The following OSBP2 variants were observed in gnomAD, a reference collection of about 807,000 sequenced individuals.
OSBP2 encodes oxysterol binding protein 2, also known as oxysterol-binding protein 2.
In OSBP2, 66 loss-of-function variants were observed where a neutral mutation model predicts 96.0. The observed-to-expected ratio is 0.69, with a 90% CI of 0.56 to 0.84. The LOEUF is 0.84. OSBP2 is among the 40% of genes least tolerant of loss of function. The probability of loss-of-function intolerance (pLI) is 0.00; values close to 1 mark genes in which losing one functional copy is unlikely to be tolerated. For missense variants in OSBP2, 1,038 were observed against 1,222.7 expected (o/e 0.85, Z 2.25); for synonymous variants, 525 against 520.9 (o/e 1.01, Z -0.11).
At chr22:30,744,311 G>GTC (rs1417083055) in intron 2 of OSBP2, among the ~76,000 whole-genome samples, 1 of 152,152 alleles carries the variant, frequency 6.6e-6, no homozygotes, top group Non-Finnish European at 1.5e-5. Flanking sequence ...ATGGCCTAAT[G>GTC]TCGCTCTCCT....
intron 2 of OSBP2, among the ~76,000 whole-genome samples, chr22:30,770,917 G>T (rs1362149231): frequency 6.6e-6 from 1 of 152,216 alleles, no homozygotes; most frequent in Non-Finnish European, 1.5e-5. Context: ...GCCCTGGCCC[G>T]ATCCAGCATG....
intron 2 of OSBP2, among the ~76,000 whole-genome samples, chr22:30,861,822 G>A (rs1422297921): frequency 6.6e-6 from 1 of 152,186 alleles, no homozygotes; most frequent in African/African-American, 2.4e-5. Context: ...GCTCCCAGGG[G>A]CCCTCGCCGC....
rs1349036304 is a variant in OSBP2 at position 30,889,228 on chromosome 22, A to C, written c.1470A>C (p.Ala490=). ...CAAGTTCCGTGGACTGGAGCTCAGC[A>C]GACAATGTAAGTGAGGGGGAGCACT... ...TGTSSVDWSS[A]DNVLDGASLV... The change falls in exon 6 of 14, where the codon GCA becomes GCC. Residue 490 remains alanine (A), a synonymous_variant. Transcript: ENST00000332585. 1.2e-6 allele frequency: 2 copies of C among 1,613,134 alleles called. No individual in the cohort carries two copies. Among genetic ancestry groups the C allele is most frequent in the Non-Finnish European group, 1.7e-6 (2 of 1,179,830 alleles).
At chr22:30,794,262 AT>A (rs136291) in intron 2 of OSBP2, among the ~76,000 whole-genome samples, 21,395 of 134,394 alleles carry the variant, frequency 0.16, 1,008 homozygotes, top group African/African-American at 0.18. Flanking sequence ...TCCTCTATTC[AT>A]TTTTTTTTTT....
chr22:30,737,296 G>A (rs371571893), intron 1 of OSBP2, among the ~76,000 whole-genome samples: 19 of 149,812 alleles, frequency 1.3e-4, no homozygotes, highest in African/African-American at 3.9e-4. Context: ...GATTACAGGC[G>A]TGAGCCACTG....
chr22:30,717,248 G>T (rs974719480), intron 1 of OSBP2, among the ~76,000 whole-genome samples: 1 of 151,916 alleles, frequency 6.6e-6, no homozygotes. Context: ...ACTGCACCTT[G>T]CTGGGTCTTT....
chr22:30,790,685 T>C (rs2090662313), intron 2 of OSBP2, among the ~76,000 whole-genome samples: 1 of 151,670 alleles, frequency 6.6e-6, no homozygotes, highest in Non-Finnish European at 1.5e-5. Context: ...GAGCATACTT[T>C]ATAGGTTAAA....
At chr22:30,822,127 G>A (rs2038286076) in intron 2 of OSBP2, among the ~76,000 whole-genome samples, 1 of 152,218 alleles carries the variant, frequency 6.6e-6, no homozygotes, top group Admixed American at 6.5e-5. Flanking sequence ...GAAGATGAGA[G>A]GGTCTCAGAG....
intron 2 of OSBP2, among the ~76,000 whole-genome samples, chr22:30,750,053 C>T (rs191206342): frequency 1.8e-4 from 28 of 152,280 alleles, no homozygotes; most frequent in African/African-American, 5.5e-4. Context: ...CTGGGCCTGA[C>T]GGTCCTCCCA....
intron 3 of OSBP2, among the ~76,000 whole-genome samples, chr22:30,885,687 A>G (rs1342402327): frequency 6.6e-6 from 1 of 152,238 alleles, no homozygotes; most frequent in African/African-American, 2.4e-5. Flanking sequence ...CAGGGTAGAC[A>G]AGGGCCAGTG....
intron 1 of OSBP2, among the ~76,000 whole-genome samples, chr22:30,702,452 A>G (rs1056976457): frequency 2.3e-4 from 35 of 152,082 alleles, no homozygotes; most frequent in Non-Finnish European, 7.4e-5. Flanking sequence ...TGTCTGTACT[A>G]AAAATACAAA....
chr22:30,865,127 A>C (rs2039306686), intron 2 of OSBP2, among the ~76,000 whole-genome samples: 1 of 152,206 alleles, frequency 6.6e-6, no homozygotes, highest in Non-Finnish European at 1.5e-5. Flanking sequence ...CCTGCGCTAG[A>C]TGATTCCATG....
At chr22:30,713,556 G>A (rs1220082220) in intron 1 of OSBP2, among the ~76,000 whole-genome samples, 1 of 151,766 alleles carries the variant, frequency 6.6e-6, no homozygotes, top group Non-Finnish European at 1.5e-5. Context: ...AACCTCCCAG[G>A]CTCAAGTGAT....
intron 8 of OSBP2, among the ~76,000 whole-genome samples, chr22:30,892,804 G>A (rs1206257879): frequency 6.6e-6 from 1 of 152,152 alleles, no homozygotes; most frequent in African/African-American, 2.4e-5. Context: ...TCGGCATAGT[G>A]TGACACCCTT....
intron 3 of OSBP2, among the ~76,000 whole-genome samples, chr22:30,877,454 C>T (rs2039607154): frequency 6.6e-6 from 1 of 152,192 alleles, no homozygotes. Flanking sequence ...TAGCAGCGTC[C>T]TCCCTGAGCA....
At chr22:30,767,465 A>G (rs553690684) in intron 2 of OSBP2, among the ~76,000 whole-genome samples, 1 of 151,788 alleles carries the variant, frequency 6.6e-6, no homozygotes, top group African/African-American at 2.4e-5. Context: ...CTCTGTCTCT[A>G]TCATTTTGAA....
At chr22:30,796,960 C>T (rs1280981145) in intron 2 of OSBP2, among the ~76,000 whole-genome samples, 2 of 152,230 alleles carry the variant, frequency 1.3e-5, no homozygotes, top group African/African-American at 2.4e-5. Context: ...GAACTCCTTT[C>T]ATTTTCCAAA....
At position 30,743,834 on chromosome 22, in the gene OSBP2, A is replaced by G. The variant is rs146111623; in HGVS notation, c.853+2465A>G. 6.5e-3 allele frequency among the ~76,000 whole-genome samples: 986 copies of G among 152,082 alleles called. 10 individuals carry two copies. Among genetic ancestry groups the G allele is most frequent in the African/African-American group, 0.023 (933 of 41,460 alleles). On this transcript the variant is annotated intron_variant, in intron 2 of 13. Coordinates refer to ENST00000332585, the MANE Select transcript of OSBP2 (RefSeq NM_030758.4). ...TTCTTTTGCAGTTGGCAGGGTGCGG[A>G]GGTGAGGGCGGGGAGGAAGGAAGTG...
At chr22:30,849,354 C>T (rs1034528422) in intron 2 of OSBP2, among the ~76,000 whole-genome samples, 1 of 152,210 alleles carries the variant, frequency 6.6e-6, no homozygotes, top group East Asian at 1.9e-4. Context: ...TACCATTTTA[C>T]ATCCCCACCA....
Sources: allele counts gnomAD v4.1 joint callset (sites outside exome capture counted in the v4.1 genomes callset), GRCh38; gene constraint gnomAD v4.1.1; transcripts MANE v1.5; gene names NCBI Gene and HGNC (gene_info 2026-07-23, HGNC 2026-07-21).